The following MGAT4A variants were observed in gnomAD, a reference collection of about 807,000 sequenced individuals.
MGAT4A encodes N-acetylglucosaminyltransferase IVa.
MGAT4A carries 33 observed loss-of-function variants against 74.1 expected under a neutral mutation model. That is an observed-to-expected ratio of 0.45 (90% CI 0.34 to 0.60). The LOEUF (loss-of-function observed/expected upper bound fraction) is 0.60. Among genes scored for constraint, MGAT4A ranks in the 20% least tolerant of loss-of-function variants. The probability of loss-of-function intolerance (pLI) is 0.02; values close to 1 mark genes in which losing one functional copy is unlikely to be tolerated. For missense variants in MGAT4A, 479 were observed against 628.3 expected (o/e 0.76, Z 2.54); for synonymous variants, 198 against 210.4 (o/e 0.94, Z 0.51).
In MGAT4A at chr2:98,726,328, C is replaced by T. The variant is rs1176053966; in HGVS notation, c.5G>A (p.Arg2Lys). 6.2e-7 allele frequency: 1 copy of T among 1,613,248 alleles called. No homozygotes were observed. Among genetic ancestry groups the T allele is most frequent in the Non-Finnish European group, 8.5e-7 (1 of 1,179,454 alleles). The change falls in exon 2 of 16, where the codon AGG becomes AAG. Residue 2 changes from arginine (R) to lysine (K), a missense_variant. Arg to Lys is a conservative substitution (Grantham distance 26). Coordinates refer to ENST00000393487, the MANE Select transcript of MGAT4A (RefSeq NM_012214.3). M[R>K]LRNGTVATAL... ...AGTGGCTACAGTTCCATTGCGGAGC[C>T]TCATCTCATTTCACCATCACACTGG...
intron 2 of MGAT4A, among the ~76,000 whole-genome samples, chr2:98,686,443 G>A (rs1364740215): frequency 6.6e-6 from 1 of 151,914 alleles, no homozygotes; most frequent in East Asian, 1.9e-4. Context: ...CCAGGTAGAG[G>A]TTTAATAAGT....
At chr2:98,686,703 C>T (rs1042055969) in intron 2 of MGAT4A, among the ~76,000 whole-genome samples, 7 of 152,080 alleles carry the variant, frequency 4.6e-5, no homozygotes, top group Admixed American at 2.6e-4. Context: ...CACACTGCCA[C>T]ACTCGGCCAA....
chr2:98,728,213 C>G (rs994560831), intron 1 of MGAT4A, among the ~76,000 whole-genome samples: 1 of 152,180 alleles, frequency 6.6e-6, no homozygotes, highest in Non-Finnish European at 1.5e-5. Flanking sequence ...CTTCCTGTAG[C>G]TTTTGGCTAA....
chr2:98,671,189 C>G (rs374814248), intron 4 of MGAT4A, among the ~76,000 whole-genome samples: 9 of 152,168 alleles, frequency 5.9e-5, no homozygotes, highest in East Asian at 5.8e-4. Flanking sequence ...CTAGGTCCAT[C>G]TTCTTCTTCC....
At chr2:98,722,832 T>C (rs1702696041) in intron 2 of MGAT4A, among the ~76,000 whole-genome samples, 1 of 152,212 alleles carries the variant, frequency 6.6e-6, no homozygotes, top group African/African-American at 2.4e-5. Context: ...TACCAGTCTC[T>C]GTCCCCATGG....
At position 98,691,151 on chromosome 2, in the gene MGAT4A, G is replaced by T. The variant is rs1412064094; in HGVS notation, c.95-12680C>A. ...AGTCCTGCCCCATATATGTCCAGGG[G>T]TCTTGTAAGATTATAATGGAGGCTG... On this transcript the variant is annotated intron_variant, in intron 2 of 15. Coordinates refer to ENST00000393487, the MANE Select transcript of MGAT4A (RefSeq NM_012214.3). Among the ~76,000 whole-genome samples, 3 of 152,094 alleles carry T rather than the reference G, an allele frequency of 2.0e-5. No individual in the cohort carries two copies. In the East Asian group the frequency reaches 5.8e-4, roughly 29 times the overall value.
intron 2 of MGAT4A, among the ~76,000 whole-genome samples, chr2:98,700,190 C>A (rs1487780019): frequency 6.6e-6 from 1 of 151,994 alleles, no homozygotes; most frequent in Non-Finnish European, 1.5e-5. Context: ...CTCACAAGAC[C>A]TCTCCAAAGG....
At chr2:98,708,758 G>A (rs1702475311) in intron 2 of MGAT4A, among the ~76,000 whole-genome samples, 2 of 152,146 alleles carry the variant, frequency 1.3e-5, no homozygotes. Context: ...TAACCATCAG[G>A]TTAAACTAGT....
chr2:98,707,913 C>G (rs1259088221), intron 2 of MGAT4A, among the ~76,000 whole-genome samples: 1 of 152,124 alleles, frequency 6.6e-6, no homozygotes, highest in African/African-American at 2.4e-5. Context: ...TGAATTCCAC[C>G]ATTCCACAAC....
chr2:98,658,269 G>A lies in MGAT4A; in HGVS notation c.538-5C>T. 6.5e-7 allele frequency: 1 copy of A among 1,532,538 alleles called. No homozygotes were observed. The highest frequency in any genetic ancestry group is 8.8e-7 in the Non-Finnish European group (1 of 1,132,046). 94.9% of individuals were successfully genotyped at this position (1,532,538 alleles called of 1,614,324 possible). ...ATGTACATAATCAATATCTGTCTGG[G>A]AAAGAAAAAAAATGTATCTATATTC... On this transcript the variant is annotated splice_polypyrimidine_tract_variant and splice_region_variant and intron_variant, in intron 5 of 15. Transcript: ENST00000393487.
At chr2:98,633,938 A>G (rs1701280351) in intron 14 of MGAT4A, among the ~76,000 whole-genome samples, 1 of 152,246 alleles carries the variant, frequency 6.6e-6, no homozygotes, top group Non-Finnish European at 1.5e-5. Flanking sequence ...GAAAGTAGCC[A>G]GGGTTATTGT....
At chr2:98,667,827 C>A (rs1379834898) in intron 4 of MGAT4A, among the ~76,000 whole-genome samples, 1 of 152,064 alleles carries the variant, frequency 6.6e-6, no homozygotes, top group African/African-American at 2.4e-5. Context: ...TCAAATGATT[C>A]TCCTGCCTCA....
At chr2:98,680,741 T>C (rs1167029388) in intron 2 of MGAT4A, among the ~76,000 whole-genome samples, 1 of 152,282 alleles carries the variant, frequency 6.6e-6, no homozygotes, top group East Asian at 1.9e-4. Flanking sequence ...ATGTGTAAAT[T>C]CACAATATAA....
chr2:98,664,485 T>G (rs1701797254), intron 4 of MGAT4A, among the ~76,000 whole-genome samples: 1 of 152,202 alleles, frequency 6.6e-6, no homozygotes. Context: ...GTAGAAATAC[T>G]GCATACAAAA....
chr2:98,704,515 G>A (rs1257133008), intron 2 of MGAT4A, among the ~76,000 whole-genome samples: 3 of 152,162 alleles, frequency 2.0e-5, no homozygotes, highest in Non-Finnish European at 4.4e-5. Context: ...AGCTGAAGTG[G>A]GAGGACTGCT....
chr2:98,727,159 T>C (rs565614079), intron 1 of MGAT4A, among the ~76,000 whole-genome samples: 1 of 152,336 alleles, frequency 6.6e-6, no homozygotes, highest in Non-Finnish European at 1.5e-5. Flanking sequence ...AACTGCTGTT[T>C]ATCACTGTCA....
Position 98,620,337 on chromosome 2 carries a change from G to T in MGAT4A, c.*5229C>A, listed in dbSNP as rs188445424. On this transcript the variant is annotated 3_prime_UTR_variant, in exon 16 of 16. Transcript: ENST00000393487. Reference sequence around the variant, plus strand: ...AAATACTGCAACATAACTTGGAAAAGTTCCTTTTCTATAAAGGGATTGGAC... The same window carrying T: ...AAATACTGCAACATAACTTGGAAAATTTCCTTTTCTATAAAGGGATTGGAC... 53 of 152,216 alleles carry T rather than the reference G, an allele frequency of 3.5e-4. No individual in the cohort carries two copies. The highest frequency in any genetic ancestry group is 1.2e-3 in the African/African-American group (50 of 41,528). The allele number at this position is 152,216 out of a possible 1,614,324, so 9.4% of individuals were successfully genotyped here.
intron 13 of MGAT4A, 116 bp downstream of exon 13, chr2:98,636,401 C>T: frequency 1.3e-6 from 1 of 764,494 alleles, no homozygotes; most frequent in East Asian, 2.5e-5. Context: ...ATATTATTCA[C>T]CATTGAGTCC....
In MGAT4A at chr2:98,621,003, A is replaced by C. The variant is rs1406646199; in HGVS notation, c.*4563T>G. 2 of 154,012 alleles carry C rather than the reference A, an allele frequency of 1.3e-5. No homozygotes were observed. Among genetic ancestry groups the C allele is most frequent in the African/African-American group, 2.4e-5 (1 of 41,500 alleles). 9.5% of individuals were successfully genotyped at this position (154,012 alleles called of 1,614,324 possible). ...GGTCCAGGTACATGACTTGCTACTA[A>C]AGACTTTATTCATGCATTTACCAAG... is the stretch of plus-strand genomic sequence containing the variant. On this transcript the variant is annotated 3_prime_UTR_variant, in exon 16 of 16. Transcript: ENST00000393487.
Sources: allele counts gnomAD v4.1 joint callset (sites outside exome capture counted in the v4.1 genomes callset), GRCh38; gene constraint gnomAD v4.1.1; transcripts MANE v1.5; gene names NCBI Gene and HGNC (gene_info 2026-07-23, HGNC 2026-07-21).